HIVEP1: variants seen among roughly 807,000 people sequenced by gnomAD.
The protein encoded by HIVEP1 is zinc finger protein 40.
A neutral mutation model predicts 180.0 loss-of-function variants in HIVEP1; 36 were observed. That is an observed-to-expected ratio of 0.20 (90% CI 0.15 to 0.26). The LOEUF is 0.26. Ranked by LOEUF, HIVEP1 falls within the 10% of genes least tolerant of loss-of-function variation. HIVEP1 has a pLI of 1.00. For synonymous variants in HIVEP1, 1,239 were observed against 1,239.0 expected, an observed-to-expected ratio of 1.00 and a Z score of 0.00; for missense variants, 3,143 against 3,268.7, an observed-to-expected ratio of 0.96 and a Z score of 0.94.
In HIVEP1 at chr6:12,125,007, C is replaced by A; in HGVS notation, c.5212C>A (p.Gln1738Lys). The change falls in exon 4 of 9, where the codon CAA (glutamine) becomes AAA (lysine). Residue 1738 changes from glutamine to lysine, a missense_variant. Coordinates refer to ENST00000379388, the MANE Select transcript of HIVEP1 (RefSeq NM_002114.4). Reference sequence around the variant, plus strand: ...ATCTGTTGGTCGACTTTCCCCTCAACAAGAATCTTCAGCTTCGAGTAAAAG... The same window carrying A: ...ATCTGTTGGTCGACTTTCCCCTCAAAAAGAATCTTCAGCTTCGAGTAAAAG... The part of the protein sequence containing the change: ...KISVGRLSPQ[Q>K]ESSASSKRML... The A allele has an allele frequency of 3.1e-6, 5 of 1,614,190 alleles. No individual in the cohort carries two copies. Among genetic ancestry groups the A allele is most frequent in the Non-Finnish European group, 4.2e-6 (5 of 1,180,040 alleles).
At chr6:12,023,840 AATCTT>A in intron 2 of HIVEP1, among the ~76,000 whole-genome samples, 1 of 152,342 alleles carries the variant, frequency 6.6e-6, no homozygotes, top group South Asian at 2.1e-4. Flanking sequence ...GATGAGGTAC[AATCTT>A]ATCTTACCAT....
At chr6:12,185,251 A>C in the HIVEP1 span, among the ~76,000 whole-genome samples, 1 of 152,214 alleles carries the variant, frequency 6.6e-6, no homozygotes, top group African/African-American at 2.4e-5. Flanking sequence ...GTTCACCCAG[A>C]TTGACAGCAG....
In HIVEP1 at chr6:12,150,371, C is replaced by T. The variant is rs556024174; in HGVS notation, c.6488-11068C>T. The stretch of plus-strand genomic sequence containing the variant: ...CGGAATGTTAATGTGTACCCTCAGC[C>T]GCCAGCTAGGAGAACCGTTTAATAT... On this transcript the variant is annotated intron_variant, in intron 7 of 8. Coordinates refer to ENST00000379388, the MANE Select transcript of HIVEP1 (RefSeq NM_002114.4). Among the ~76,000 whole-genome samples, 24 of 152,280 alleles carry T rather than the reference C, an allele frequency of 1.6e-4. 1 individual carries two copies. The highest frequency in any genetic ancestry group is 5.3e-4 in the African/African-American group (22 of 41,566).
At chr6:12,198,831 T>TA in the HIVEP1 span, among the ~76,000 whole-genome samples, 5 of 152,076 alleles carry the variant, frequency 3.3e-5, no homozygotes, top group Non-Finnish European at 5.9e-5. Flanking sequence ...TAATCTCATC[T>TA]AAAAAAAATA....
upstream of HIVEP1, chr6:12,012,149 C>T (rs536439967): frequency 6.4e-3 from 922 of 144,094 alleles, 8 homozygotes; most frequent in Non-Finnish European, 9.5e-3. Flanking sequence ...GCCCGGCTGC[C>T]CGGCTCCCTG....
At chr6:12,066,872 G>GTGTT (rs1771624052) in intron 2 of HIVEP1, among the ~76,000 whole-genome samples, 1 of 150,516 alleles carries the variant, frequency 6.6e-6, no homozygotes, top group Non-Finnish European at 1.5e-5. Context: ...GACACTGTGT[G>GTGTT]TGTGTGTGTG....
At chr6:12,070,229 A>G (rs1771878684) in intron 2 of HIVEP1, among the ~76,000 whole-genome samples, 2 of 152,242 alleles carry the variant, frequency 1.3e-5, no homozygotes, top group Admixed American at 1.3e-4. Context: ...AACCAGTCAT[A>G]TAGTCATTTA....
At chr6:12,155,812 C>T (rs1176776837) in intron 7 of HIVEP1, among the ~76,000 whole-genome samples, 1 of 152,164 alleles carries the variant, frequency 6.6e-6, no homozygotes, top group Non-Finnish European at 1.5e-5. Context: ...AGGTCTAGGT[C>T]TTTGAGGAAT....
chr6:12,109,152 T>TA (rs1478482205), intron 3 of HIVEP1, among the ~76,000 whole-genome samples: 15 of 120,070 alleles, frequency 1.2e-4, no homozygotes, highest in African/African-American at 3.5e-4. Flanking sequence ...GCTAATTTTT[T>TA]AAATTTTTTT....
At chr6:12,173,251 A>G in the HIVEP1 span, among the ~76,000 whole-genome samples, 1 of 152,326 alleles carries the variant, frequency 6.6e-6, no homozygotes, top group African/African-American at 2.4e-5. Context: ...GGAATACAGC[A>G]TAACATATTA....
chr6:12,209,342 A>G, the HIVEP1 span, among the ~76,000 whole-genome samples: 2 of 152,196 alleles, frequency 1.3e-5, no homozygotes, highest in South Asian at 2.1e-4. Flanking sequence ...CTGAGGCAGG[A>G]GAATGGCGTG....
chr6:12,010,358 G>C (rs1298955595), upstream of HIVEP1, among the ~76,000 whole-genome samples: 1 of 152,124 alleles, frequency 6.6e-6, no homozygotes, highest in Non-Finnish European at 1.5e-5. Context: ...CGCCATTACT[G>C]AGTATTCCAT....
chr6:12,068,486 CAGTT>C (rs983980877), intron 2 of HIVEP1, among the ~76,000 whole-genome samples: 1 of 152,150 alleles, frequency 6.6e-6, no homozygotes, highest in African/African-American at 2.4e-5. Context: ...GTATTATTGT[CAGTT>C]AGATGATGTT....
chr6:12,123,822 G>A lies in HIVEP1; in HGVS notation c.4027G>A (p.Glu1343Lys), dbSNP rs768950665. 4 of 1,614,076 alleles carry A rather than the reference G, an allele frequency of 2.5e-6. No individual in the cohort carries two copies. Among genetic ancestry groups the A allele is most frequent in the East Asian group, 2.2e-5 (1 of 44,884 alleles). Reference protein sequence around the residue: ...SPKIDFLNKAEFLMIPAGLNT... With the variant: ...SPKIDFLNKAKFLMIPAGLNT... ...CAAAATCGATTTTCTAAATAAAGCC[G>A]AGTTTCTTATGATTCCAGCTGGCTT... Residue 1343 changes from glutamate to lysine, a missense_variant, in exon 4 of 9, where the codon GAG (glutamate) becomes AAG (lysine). This residue lies in a region of HIVEP1 where 1,357 missense variants were observed against 1,260.5 expected (regional missense o/e 1.08). Transcript: ENST00000379388.
At chr6:12,159,720 T>G (rs1372749379) in intron 7 of HIVEP1, among the ~76,000 whole-genome samples, 1 of 152,246 alleles carries the variant, frequency 6.6e-6, no homozygotes, top group Non-Finnish European at 1.5e-5. Context: ...GGTATTATTT[T>G]ATTTCATTAC....
chr6:12,115,336 C>A (rs1775144604), intron 3 of HIVEP1, among the ~76,000 whole-genome samples: 1 of 143,156 alleles, frequency 7.0e-6, no homozygotes, highest in Non-Finnish European at 1.5e-5. Flanking sequence ...TTAACTTATA[C>A]TTCCCCAACT....
At chr6:12,047,175 G>C (rs1042457018) in intron 2 of HIVEP1, among the ~76,000 whole-genome samples, 13 of 152,022 alleles carry the variant, frequency 8.6e-5, no homozygotes, top group Non-Finnish European at 1.6e-4. Flanking sequence ...ATTGTTAAAG[G>C]CATAAAATAC....
intron 2 of HIVEP1, among the ~76,000 whole-genome samples, chr6:12,051,397 C>T (rs1197718742): frequency 2.0e-5 from 3 of 151,912 alleles, no homozygotes; most frequent in African/African-American, 4.8e-5. Flanking sequence ...ATTTACATGA[C>T]TCCAAAGTAG....
chr6:12,075,591 T>C (rs1314330043), intron 2 of HIVEP1, among the ~76,000 whole-genome samples: 1 of 87,204 alleles, frequency 1.1e-5, no homozygotes, highest in Non-Finnish European at 2.3e-5. Context: ...AGATTGGGCC[T>C]TTTTTTTTTT....
Sources: allele counts gnomAD v4.1 joint callset (sites outside exome capture counted in the v4.1 genomes callset), GRCh38; gene constraint gnomAD v4.1.1; regional missense constraint gnomAD v4.1.1; transcripts MANE v1.5; gene names NCBI Gene and HGNC (gene_info 2026-07-23, HGNC 2026-07-21).